The following GRID2 variants were observed in gnomAD, a reference collection of about 807,000 sequenced individuals.
The protein encoded by GRID2 is glutamate ionotropic receptor delta type subunit 2.
In GRID2, 33 loss-of-function variants were observed where a neutral mutation model predicts 114.8. That is an observed-to-expected ratio of 0.29 (90% CI 0.22 to 0.38). The LOEUF (loss-of-function observed/expected upper bound fraction) is 0.38, where lower values mean the gene tolerates loss of function less well. Ranked by LOEUF, GRID2 falls within the 10% of genes least tolerant of loss-of-function variation. The pLI is 1.00. For missense variants in GRID2, 1,184 were observed against 1,257.7 expected (o/e 0.94, Z 0.89); for synonymous variants, 505 against 449.9 (o/e 1.12, Z -1.55).
At chr4:93,194,075 G>A (rs146143617) in intron 4 of GRID2, among the ~76,000 whole-genome samples, 8 of 152,214 alleles carry the variant, frequency 5.3e-5, no homozygotes, top group East Asian at 1.9e-4. Flanking sequence ...ACAGTTTAGC[G>A]GAACTCATTC....
At chr4:92,908,999 AATTG>A (rs770781598) in intron 2 of GRID2, among the ~76,000 whole-genome samples, 3 of 152,180 alleles carry the variant, frequency 2.0e-5, no homozygotes, top group Non-Finnish European at 2.9e-5. Context: ...AATTCACATT[AATTG>A]ATTGTTCAAT....
At chr4:92,470,253 G>C (rs1271101267) in intron 1 of GRID2, among the ~76,000 whole-genome samples, 2 of 151,742 alleles carry the variant, frequency 1.3e-5, no homozygotes, top group Admixed American at 1.3e-4. Flanking sequence ...TTCACAGAAT[G>C]CTAAAGTTCT....
Position 92,817,277 on chromosome 4 carries a change from C to T in GRID2, c.244+226991C>T, listed in dbSNP as rs544879748. 1.4e-4 allele frequency among the ~76,000 whole-genome samples: 21 copies of T among 152,014 alleles called. No homozygotes were observed. In the South Asian group the frequency reaches 3.3e-3, roughly 24 times the overall value. On this transcript the variant is annotated intron_variant, in intron 2 of 15. Coordinates refer to ENST00000282020, the MANE Select transcript of GRID2 (RefSeq NM_001510.4). ...CATTTAGTTTTTCACTGCATTTTAT[C>T]CCCGCTTTTATCAGCTACATTGCTG...
chr4:92,398,861 A>ATG (rs1414302573), intron 1 of GRID2, among the ~76,000 whole-genome samples: 1 of 152,218 alleles, frequency 6.6e-6, no homozygotes, highest in African/African-American at 2.4e-5. Context: ...TAGGCATGTT[A>ATG]TGAGCAGTGG....
At chr4:92,360,423 AAC>A (rs1728557581) in intron 1 of GRID2, among the ~76,000 whole-genome samples, 1 of 152,004 alleles carries the variant, frequency 6.6e-6, no homozygotes, top group East Asian at 1.9e-4. Flanking sequence ...TTCGAATAAA[AAC>A]ACAGGCAGAT....
rs141935320 is a variant in GRID2, at chr4:93,170,321, T to C, written c.736-37083T>C. 4.5e-3 allele frequency among the ~76,000 whole-genome samples: 680 copies of C among 152,252 alleles called. 2 individuals carry two copies. Among genetic ancestry groups the C allele is most frequent in the African/African-American group, 0.016 (651 of 41,558 alleles). On this transcript the variant is annotated intron_variant, in intron 4 of 15. Coordinates refer to ENST00000282020, the MANE Select transcript of GRID2 (RefSeq NM_001510.4). ...CTAGTCTTAAACTCCTGGGCTCAAG[T>C]GATCCACCCGCCTTGGACTCCCAAA...
chr4:93,697,782 A>T (rs1410802875), intron 14 of GRID2, among the ~76,000 whole-genome samples: 2 of 149,976 alleles, frequency 1.3e-5, no homozygotes, highest in Admixed American at 1.3e-4. Context: ...TTGCTAAAAG[A>T]ATAGATTTGA....
At chr4:92,346,952 C>T (rs773057238) in intron 1 of GRID2, among the ~76,000 whole-genome samples, 182 of 152,322 alleles carry the variant, frequency 1.2e-3, no homozygotes, top group Non-Finnish European at 2.2e-3. Context: ...ATCTCATCAT[C>T]TTTTGATACT....
At chr4:92,410,486 A>C (rs1216344626) in intron 1 of GRID2, among the ~76,000 whole-genome samples, 1 of 152,214 alleles carries the variant, frequency 6.6e-6, no homozygotes, top group Non-Finnish European at 1.5e-5. Context: ...CATTCTGTGC[A>C]TTGGCAAGAT....
intron 8 of GRID2, among the ~76,000 whole-genome samples, chr4:93,308,280 T>C (rs1464859417): frequency 6.6e-6 from 1 of 152,208 alleles, no homozygotes; most frequent in Non-Finnish European, 1.5e-5. Flanking sequence ...ATTTTTATTG[T>C]TTCACCTAAG....
At chr4:92,811,572 A>C (rs769905040) in intron 2 of GRID2, among the ~76,000 whole-genome samples, 11 of 152,108 alleles carry the variant, frequency 7.2e-5, no homozygotes, top group African/African-American at 1.2e-4. Flanking sequence ...TTTCTCAAAA[A>C]CAAATTGACT....
chr4:92,760,003 T>C (rs149971583), intron 2 of GRID2, among the ~76,000 whole-genome samples: 1 of 151,402 alleles, frequency 6.6e-6, no homozygotes, highest in Non-Finnish European at 1.5e-5. Flanking sequence ...ATACGGCACA[T>C]AGCTGAGGCG....
At chr4:92,595,383 ATTAAAG>A (rs1333969062) in intron 2 of GRID2, among the ~76,000 whole-genome samples, 3 of 151,996 alleles carry the variant, frequency 2.0e-5, no homozygotes, top group Admixed American at 6.6e-5. Flanking sequence ...AATGGGATTC[ATTAAAG>A]TTAAACTGTT....
At chr4:93,485,005 G>A (rs952852239) in intron 11 of GRID2, among the ~76,000 whole-genome samples, 5 of 151,826 alleles carry the variant, frequency 3.3e-5, no homozygotes, top group Non-Finnish European at 7.4e-5. Flanking sequence ...TCATTTATCA[G>A]AATGATTGAC....
At chr4:93,459,596 C>A (rs978325574) in intron 11 of GRID2, among the ~76,000 whole-genome samples, 1 of 152,158 alleles carries the variant, frequency 6.6e-6, no homozygotes, top group African/African-American at 2.4e-5. Flanking sequence ...ATATAATTAA[C>A]CTCTGTTTTC....
intron 2 of GRID2, among the ~76,000 whole-genome samples, chr4:92,744,392 G>A (rs1188914780): frequency 6.6e-6 from 1 of 151,628 alleles, no homozygotes; most frequent in East Asian, 1.9e-4. Flanking sequence ...GGAGACTGAG[G>A]CAGGAGAATT....
At chr4:92,655,229 A>T (rs990128747) in intron 2 of GRID2, among the ~76,000 whole-genome samples, 1 of 151,782 alleles carries the variant, frequency 6.6e-6, no homozygotes. Flanking sequence ...TGGGTTCTCT[A>T]TTCTGTCCCA....
chr4:92,378,866 A>G (rs1361512714), intron 1 of GRID2, among the ~76,000 whole-genome samples: 2 of 152,032 alleles, frequency 1.3e-5, no homozygotes, highest in Non-Finnish European at 2.9e-5. Context: ...TCTCAATTAT[A>G]AAATATATTT....
chr4:93,460,666 G>A (rs889321179), intron 11 of GRID2, among the ~76,000 whole-genome samples: 1 of 151,798 alleles, frequency 6.6e-6, no homozygotes, highest in African/African-American at 2.4e-5. Context: ...TTATAGTTAA[G>A]TGCCTTGTAC....
Sources: allele counts gnomAD v4.1 joint callset (sites outside exome capture counted in the v4.1 genomes callset), GRCh38; gene constraint gnomAD v4.1.1; transcripts MANE v1.5; gene names NCBI Gene and HGNC (gene_info 2026-07-23, HGNC 2026-07-21).